The following PCDHA5 variants were observed in gnomAD, a reference collection of about 807,000 sequenced individuals.
PCDHA5 encodes the protein protocadherin alpha-5.
A neutral mutation model predicts 61.6 loss-of-function variants in PCDHA5; 43 were observed. That is an observed-to-expected ratio of 0.70 (90% CI 0.55 to 0.90). The LOEUF (loss-of-function observed/expected upper bound fraction) is 0.90. Among genes scored for constraint, PCDHA5 ranks in the 40% least tolerant of loss-of-function variants. The pLI is 0.00. For missense variants in PCDHA5, 1,298 were observed against 1,222.7 expected (o/e 1.06, Z -0.92); for synonymous variants, 627 against 543.9 (o/e 1.15, Z -2.13).
intron 1 of PCDHA5, among the ~76,000 whole-genome samples, chr5:140,907,765 T>C (rs901037519): frequency 8.5e-5 from 13 of 152,144 alleles, no homozygotes; most frequent in African/African-American, 3.1e-4. Flanking sequence ...GCCCATTGGG[T>C]GATGACAGGG....
rs1040454233 is a variant in PCDHA5 at position 140,868,818 on chromosome 5, T to C, written c.2352+44691T>C. On this transcript the variant is annotated intron_variant, in intron 1 of 3. Transcript: ENST00000529859. ...CATAAATAAGCACGTTGGAAATATT[T>C]GGGGGAAGAAACCCAAAACACGTGA... 30 of 385,940 alleles carry C rather than the reference T, an allele frequency of 7.8e-5. No individual in the cohort carries two copies. The East Asian group carries it at 1.3e-3, about 16-fold the overall frequency. 23.9% of individuals were successfully genotyped at this position (385,940 alleles called of 1,614,324 possible).
At position 140,823,624 on chromosome 5, in the gene PCDHA5, G is replaced by A; in HGVS notation, c.1849G>A (p.Ala617Thr). ...TGAGCTGCAGCCAGCGCCTGGCAGT[G>A]CGCGCATCCCGTTCCGCGTGGGGCT... is the stretch of plus-strand genomic sequence containing the variant. ...SYELQPAPGS[A>T]RIPFRVGLYT... The change falls in exon 1 of 4, where the codon GCG (alanine) becomes ACG (threonine). Residue 617 changes from alanine to threonine, a missense_variant. Transcript: ENST00000529859. 1.2e-6 allele frequency: 2 copies of A among 1,614,052 alleles called. No individual in the cohort carries two copies. Among genetic ancestry groups the A allele is most frequent in the East Asian group, 4.5e-5 (2 of 44,864 alleles).
At chr5:140,824,989 C>T (rs1768412493) in intron 1 of PCDHA5, 3 of 151,936 alleles carry the variant, frequency 2.0e-5, no homozygotes, top group African/African-American at 7.3e-5. Context: ...ATAGGAAACA[C>T]ATATACATGG....
rs567637148 is a variant in PCDHA5, at chr5:140,861,555, G to A, written c.2352+37428G>A. The A allele has an allele frequency of 2.5e-5, 10 of 403,260 alleles. No individual in the cohort carries two copies. The East Asian group carries it at 5.2e-4, about 21-fold the overall frequency. 25.0% of individuals were successfully genotyped at this position (403,260 alleles called of 1,614,324 possible). ...GTGCAGCATCCACCTGGAAGTGATC[G>A]TGGACAAGCTGCTACAGGTTTTCCA... On this transcript the variant is annotated intron_variant, in intron 1 of 3. Transcript: ENST00000529859.
intron 1 of PCDHA5, among the ~76,000 whole-genome samples, chr5:140,899,629 G>T (rs2067446538): frequency 6.6e-6 from 1 of 152,116 alleles, no homozygotes; most frequent in African/African-American, 2.4e-5. Flanking sequence ...AAGGATATTG[G>T]TCTAAAATTC....
chr5:140,843,136 G>A lies in PCDHA5; in HGVS notation c.2352+19009G>A, dbSNP rs2150353697. 16 of 1,596,026 alleles carry A rather than the reference G, an allele frequency of 1.0e-5. 4 individuals are homozygous for A. Among genetic ancestry groups the A allele is most frequent in the South Asian group, 2.2e-5 (2 of 90,518 alleles). ...TGGACGCCGACTCGGGCTACAACGCGTGGCTTTCGTATGAGCTGCAGCCAG... is the reference window on the plus strand; with the variant it reads ...TGGACGCCGACTCGGGCTACAACGCATGGCTTTCGTATGAGCTGCAGCCAG... On this transcript the variant is annotated intron_variant, in intron 1 of 3. Transcript: ENST00000529859.
At chr5:140,892,561 A>T (rs766284976) in intron 1 of PCDHA5, among the ~76,000 whole-genome samples, 1 of 152,156 alleles carries the variant, frequency 6.6e-6, no homozygotes, top group Non-Finnish European at 1.5e-5. Context: ...GTCCTTGGAG[A>T]CTGTCAAAAG....
At chr5:140,913,808 A>T (rs1332519291) in intron 1 of PCDHA5, among the ~76,000 whole-genome samples, 1 of 152,102 alleles carries the variant, frequency 6.6e-6, no homozygotes, top group Non-Finnish European at 1.5e-5. Context: ...TCAAATTTTC[A>T]ATTTCCTTTT....
At chr5:140,875,474 T>A in intron 1 of PCDHA5, 2 of 1,606,582 alleles carry the variant, frequency 1.2e-6, no homozygotes, top group Non-Finnish European at 1.7e-6. Flanking sequence ...TTTTCTGCAA[T>A]GGTGATTATC....
At chr5:140,956,724 C>T (rs2095305540) in intron 1 of PCDHA5, among the ~76,000 whole-genome samples, 1 of 152,176 alleles carries the variant, frequency 6.6e-6, no homozygotes, top group South Asian at 2.1e-4. Flanking sequence ...AGAATTGGTA[C>T]CAGCTCCTCT....
chr5:141,000,112 C>T (rs1404445521), intron 3 of PCDHA5, among the ~76,000 whole-genome samples: 1 of 152,128 alleles, frequency 6.6e-6, no homozygotes. Flanking sequence ...CGTCTCTTCC[C>T]TCATCCCCAA....
intron 1 of PCDHA5, among the ~76,000 whole-genome samples, chr5:140,890,293 A>G (rs1423277316): frequency 6.6e-6 from 1 of 152,196 alleles, no homozygotes; most frequent in African/African-American, 2.4e-5. Flanking sequence ...AGTCAGAACC[A>G]GGAGAGGTAA....
At chr5:140,925,141 A>G (rs1287522151) in intron 1 of PCDHA5, among the ~76,000 whole-genome samples, 1 of 151,690 alleles carries the variant, frequency 6.6e-6, no homozygotes, top group Non-Finnish European at 1.5e-5. Context: ...TTTCAAACAT[A>G]CACAAAAGTT....
At chr5:140,942,221 G>A (rs1238547021) in intron 1 of PCDHA5, among the ~76,000 whole-genome samples, 1 of 152,046 alleles carries the variant, frequency 6.6e-6, no homozygotes, top group African/African-American at 2.4e-5. Context: ...TATTTAAAAT[G>A]TGTAGGCAAA....
intron 1 of PCDHA5, chr5:140,851,667 T>C (rs628871): frequency 0.26 from 235,964 of 911,074 alleles, 43,172 homozygotes; most frequent in South Asian, 0.31. Context: ...TCCTTTTAAT[T>C]GAAATTTTCT....
intron 1 of PCDHA5, chr5:140,830,490 G>A: frequency 1.3e-6 from 2 of 1,489,110 alleles, no homozygotes; most frequent in Non-Finnish European, 1.8e-6. Context: ...GCCAAAGTAA[G>A]TGAATTTTCA....
At chr5:140,926,719 A>G (rs1315762828) in intron 1 of PCDHA5, 38 of 986,432 alleles carry the variant, frequency 3.9e-5, no homozygotes, top group Non-Finnish European at 4.4e-5. Flanking sequence ...AGCCCCGGCA[A>G]TGCCGGCGTT....
At chr5:140,878,585 C>T (rs2057657468) in intron 1 of PCDHA5, among the ~76,000 whole-genome samples, 1 of 152,152 alleles carries the variant, frequency 6.6e-6, no homozygotes, top group African/African-American at 2.4e-5. Flanking sequence ...CTGCCCTGTG[C>T]CTATTACCAA....
rs781989346 is a variant in PCDHA5 at position 140,869,537 on chromosome 5, C to CT, written c.2352+45411dup. 1.6e-5 allele frequency: 26 copies of CT among 1,614,202 alleles called. 1 individual carries two copies. The highest frequency in any genetic ancestry group is 1.9e-5 in the Non-Finnish European group (23 of 1,180,050). ...GAACAAAAGCTGCTGATTGCGGAAT[C>CT]TAAGCAATCGGACTCGCGTTTTCCA... On this transcript the variant is annotated intron_variant, in intron 1 of 3. Coordinates refer to ENST00000529859, the MANE Select transcript of PCDHA5 (RefSeq NM_018908.3).
Sources: allele counts gnomAD v4.1 joint callset (sites outside exome capture counted in the v4.1 genomes callset), GRCh38; gene constraint gnomAD v4.1.1; transcripts MANE v1.5; gene names NCBI Gene and HGNC (gene_info 2026-07-23, HGNC 2026-07-21).